LCOR: variants seen among roughly 807,000 people sequenced by gnomAD.
LCOR encodes ligand-dependent corepressor.
In LCOR, 14 loss-of-function variants were observed where a neutral mutation model predicts 64.4. The observed-to-expected ratio is 0.22, with a 90% CI of 0.14 to 0.34. The LOEUF is 0.34. LCOR is among the 10% of genes least tolerant of loss of function. LCOR has a pLI of 1.00. For missense variants in LCOR, 1,686 were observed against 1,765.3 expected (o/e 0.96, Z 0.80); for synonymous variants, 643 against 642.5 (o/e 1.00, Z -0.01).
chr10:96,867,997 G>T (rs973519752), intron 2 of LCOR, among the ~76,000 whole-genome samples: 3 of 151,960 alleles, frequency 2.0e-5, no homozygotes, highest in Non-Finnish European at 4.4e-5. Context: ...CGGTTCTCCT[G>T]CCTCAGCCTC....
intron 2 of LCOR, among the ~76,000 whole-genome samples, chr10:96,903,435 G>A (rs773724895): frequency 1.2e-4 from 18 of 151,924 alleles, no homozygotes; most frequent in Non-Finnish European, 1.9e-4. Context: ...TGAAGACTGA[G>A]CACCAAGCTC....
intron 7 of LCOR, 77 bp from the exon 8 acceptor site, chr10:96,980,713 CGTT>C (rs1449953435): frequency 1.0e-5 from 6 of 602,778 alleles, no homozygotes; most frequent in African/African-American, 9.3e-5. Context: ...AAATGAATAA[CGTT>C]GGGTGAATTT....
intron 2 of LCOR, among the ~76,000 whole-genome samples, chr10:96,866,907 A>G (rs1845984031): frequency 6.6e-6 from 1 of 152,038 alleles, no homozygotes; most frequent in Admixed American, 6.6e-5. Context: ...TTGTGCCACC[A>G]CTTTACATTC....
intron 2 of LCOR, among the ~76,000 whole-genome samples, chr10:96,897,068 AG>A (rs1252274080): frequency 1.9e-4 from 28 of 148,612 alleles, no homozygotes; most frequent in African/African-American, 5.8e-4. Context: ...AGAGAGAGAG[AG>A]AGAGAAAGAG....
In LCOR at chr10:96,952,172, G is replaced by A. The variant is rs147033899; in HGVS notation, c.308G>A (p.Gly103Asp). ...AGSTSLSHSP[G>D]CSSTQGNGEN... ...AGCACTTCCCTGAGCCACTCTCCAG[G>A]CTGCTCCAGTACTCAAGGGAACGGG... The change falls in exon 7 of 8, where the codon GGC (glycine) becomes GAC (aspartate). Residue 103 changes from glycine (G) to aspartate (D), a missense_variant. By Grantham distance (94) the Gly-to-Asp change is moderately conservative. Around this residue, in one of 3 missense-constraint regions of LCOR, gnomAD observed 313 missense variants for 247.2 expected, o/e 1.27. Coordinates refer to ENST00000421806, the MANE Select transcript of LCOR (RefSeq NM_001346516.2). 5 of 1,613,828 alleles carry A rather than the reference G, an allele frequency of 3.1e-6. No homozygotes were observed. Among genetic ancestry groups the A allele is most frequent in the Non-Finnish European group, 4.2e-6 (5 of 1,179,748 alleles).
chr10:96,966,479 C>T (rs1188767908), intron 7 of LCOR, among the ~76,000 whole-genome samples: 1 of 152,106 alleles, frequency 6.6e-6, no homozygotes, highest in Non-Finnish European at 1.5e-5. Context: ...CCGCCCGTCT[C>T]GGCCTCCCAA....
At chr10:96,833,259 G>T in intron 1 of LCOR, 147 bp from the exon 2 acceptor site, 4 of 957,114 alleles carry the variant, frequency 4.2e-6, no homozygotes, top group Non-Finnish European at 5.0e-6. Context: ...TGCCCCGTCC[G>T]CCCCCCGCCT....
intron 2 of LCOR, among the ~76,000 whole-genome samples, chr10:96,839,213 T>C (rs1163052361): frequency 6.6e-6 from 1 of 152,210 alleles, no homozygotes; most frequent in African/African-American, 2.4e-5. Context: ...AATTGGGTTA[T>C]TATTTATTGT....
At chr10:96,910,595 G>GT (rs1166790111) in intron 4 of LCOR, among the ~76,000 whole-genome samples, 19 of 151,918 alleles carry the variant, frequency 1.3e-4, no homozygotes, top group African/African-American at 4.6e-4. Flanking sequence ...TTTTTGTTTT[G>GT]TTTTTTGGAA....
intron 2 of LCOR, among the ~76,000 whole-genome samples, chr10:96,879,014 T>TCGAACC (rs1846216057): frequency 6.6e-6 from 1 of 152,144 alleles, no homozygotes; most frequent in Non-Finnish European, 1.5e-5. Flanking sequence ...CAGGCTGGTC[T>TCGAACC]CGAACTCCTG....
At chr10:96,898,630 T>G (rs1334518958) in intron 2 of LCOR, among the ~76,000 whole-genome samples, 1 of 152,232 alleles carries the variant, frequency 6.6e-6, no homozygotes, top group East Asian at 1.9e-4. Flanking sequence ...GAGCCTGGGC[T>G]TTAGAATCAC....
intron 6 of LCOR, among the ~76,000 whole-genome samples, chr10:96,951,876 C>A (rs1211707701): frequency 6.6e-6 from 1 of 152,158 alleles, no homozygotes; most frequent in East Asian, 1.9e-4. Flanking sequence ...TTTACCTTTT[C>A]TTTTGCCCCA....
In LCOR at chr10:96,982,567, C is replaced by G; in HGVS notation, c.2107C>G (p.Gln703Glu). ...PEIVSREESPQCSENQSSPMG... is the reference protein window; with the variant it reads ...PEIVSREESPECSENQSSPMG... ...AATAGTCAGTAGAGAAGAAAGTCCT[C>G]AGTGCTCAGAAAATCAGAGTTCCCC... The change falls in exon 8 of 8, where the codon CAG (glutamine) becomes GAG (glutamate). Residue 703 changes from glutamine (Q) to glutamate (E), a missense_variant. Transcript: ENST00000421806. 1 of 1,614,148 alleles carries G rather than the reference C, an allele frequency of 6.2e-7. No individual in the cohort carries two copies. Among genetic ancestry groups the G allele is most frequent in the Non-Finnish European group, 8.5e-7 (1 of 1,180,032 alleles).
At position 96,994,876 on chromosome 10, in the gene LCOR, T is replaced by C. The variant is rs1428158502; in HGVS notation, c.*9742T>C. The C allele has an allele frequency of 6.6e-6, 1 of 152,240 alleles. No homozygotes were observed. The highest frequency in any genetic ancestry group is 3.2e-3 in the Middle Eastern group (1 of 316). 9.4% of individuals were successfully genotyped at this position (152,240 alleles called of 1,614,324 possible). A position where few individuals can be genotyped will look rare whatever the true frequency, so the allele number is the denominator to read the frequency against. ...TCCAAGGTCATTGGCCAATGCTGTGTGCAGGCATTGGTCATCTTTGTAAAC... is the reference window on the plus strand; with the variant it reads ...TCCAAGGTCATTGGCCAATGCTGTGCGCAGGCATTGGTCATCTTTGTAAAC... On this transcript the variant is annotated 3_prime_UTR_variant, in exon 8 of 8. Coordinates refer to ENST00000421806, the MANE Select transcript of LCOR (RefSeq NM_001346516.2).
intron 2 of LCOR, among the ~76,000 whole-genome samples, chr10:96,861,746 A>G (rs966380014): frequency 6.6e-6 from 1 of 152,138 alleles, no homozygotes; most frequent in East Asian, 1.9e-4. Flanking sequence ...GGGTTTCGCC[A>G]TGTTGGCCAG....
At chr10:96,973,760 C>A (rs1426949285) in intron 7 of LCOR, among the ~76,000 whole-genome samples, 1 of 152,178 alleles carries the variant, frequency 6.6e-6, no homozygotes, top group Non-Finnish European at 1.5e-5. Context: ...AAACATCATT[C>A]TCTGTGGCTA....
chr10:96,853,759 G>A (rs1377741073), intron 2 of LCOR, among the ~76,000 whole-genome samples: 3 of 152,192 alleles, frequency 2.0e-5, no homozygotes, highest in African/African-American at 7.2e-5. Context: ...AAATACCCAA[G>A]ACTGGGTAAT....
chr10:96,833,088 G>C, intron 1 of LCOR: 1 of 986,124 alleles, frequency 1.0e-6, no homozygotes, highest in Non-Finnish European at 1.2e-6. Context: ...GGCGGCGGTG[G>C]CCGGGGAGTT....
chr10:96,844,225 A>C (rs1225091626), intron 2 of LCOR, among the ~76,000 whole-genome samples: 4 of 149,300 alleles, frequency 2.7e-5, no homozygotes, highest in South Asian at 2.1e-4. Context: ...ATCCTAACTC[A>C]GTGCAGCCTC....
Sources: gnomAD v4.1 joint callset for allele counts (sites outside exome capture counted in the v4.1 genomes callset) on GRCh38, gnomAD v4.1.1 for gene constraint, gnomAD v4.1.1 regional missense constraint, MANE v1.5 for transcripts, NCBI Gene and HGNC (gene_info 2026-07-23, HGNC 2026-07-21) for gene names.